PPIL2: variants seen among roughly 807,000 people sequenced by gnomAD.
PPIL2 encodes peptidylprolyl isomerase like 2.
PPIL2 carries 50 observed loss-of-function variants against 75.2 expected under a neutral mutation model. That is an observed-to-expected ratio of 0.66 (90% CI 0.53 to 0.84). The LOEUF is 0.84. PPIL2 is among the 40% of genes least tolerant of loss of function. The pLI is 0.00. For missense variants in PPIL2, 590 were observed against 685.0 expected, an observed-to-expected ratio of 0.86 and a Z score of 1.55; for synonymous variants, 245 against 258.8, an observed-to-expected ratio of 0.95 and a Z score of 0.51.
chr22:21,692,380 TC>T (rs1569044895), intron 15 of PPIL2, among the ~76,000 whole-genome samples: 2 of 151,478 alleles, frequency 1.3e-5, no homozygotes, highest in East Asian at 2.0e-4. Context: ...GGTCTCGATC[TC>T]CTGACCTTGT....
At chr22:21,692,690 C>T (rs185115527) in intron 15 of PPIL2, among the ~76,000 whole-genome samples, 267 of 151,692 alleles carry the variant, frequency 1.8e-3, no homozygotes, top group African/African-American at 6.3e-3. Flanking sequence ...CTTTGGGAGG[C>T]CAAGGCAGGT....
chr22:21,686,897 A>G lies in PPIL2; in HGVS notation c.796A>G (p.Ile266Val). The change falls in exon 12 of 20, where the codon ATC (isoleucine) becomes GTC (valine). Residue 266 changes from isoleucine to valine, a missense_variant. By Grantham distance (29) the Ile-to-Val change is conservative. Transcript: ENST00000398831. ...VPETTHEAAA[I>V]DEDVLRYQFV... Reference sequence around the variant, plus strand: ...GCTGGGACCTTGGCTTGTAGCTGCCATCGACGAGGATGTGCTGCGCTACCA... The same window carrying G: ...GCTGGGACCTTGGCTTGTAGCTGCCGTCGACGAGGATGTGCTGCGCTACCA... 4 of 1,613,956 alleles carry G rather than the reference A, an allele frequency of 2.5e-6. No individual in the cohort carries two copies. The highest frequency in any genetic ancestry group is 3.4e-6 in the Non-Finnish European group (4 of 1,179,970).
chr22:21,669,058 C>T (rs562607116), intron 1 of PPIL2, among the ~76,000 whole-genome samples: 1 of 150,568 alleles, frequency 6.6e-6, no homozygotes, highest in East Asian at 2.0e-4. Flanking sequence ...ACCGTGTTAG[C>T]CAGAATGGTC....
intron 16 of PPIL2, 109 bp downstream of exon 16, chr22:21,693,981 G>C (rs1601602824): frequency 1.7e-6 from 2 of 1,204,994 alleles, no homozygotes; most frequent in East Asian, 4.8e-5. Context: ...CATGTGCCAT[G>C]CTGGCCATCA....
chr22:21,699,304 G>A (rs1191779603), downstream of PPIL2: 3 of 152,500 alleles, frequency 2.0e-5, no homozygotes, highest in Non-Finnish European at 4.4e-5. Context: ...AGAACTATCC[G>A]GGCTCAGTGC....
intron 15 of PPIL2, 107 bp downstream of exon 15, chr22:21,688,956 C>G: frequency 9.1e-7 from 1 of 1,103,318 alleles, no homozygotes; most frequent in South Asian, 1.4e-5. Context: ...GAATCATACC[C>G]AGACGGTGTA....
chr22:21,667,765 ATTTTTTTTTTT>A (rs55832180), intron 1 of PPIL2, among the ~76,000 whole-genome samples: 4 of 69,880 alleles, frequency 5.7e-5, no homozygotes, highest in African/African-American at 2.4e-4. Context: ...GACATCTCAA[ATTTTTTTTTTT>A]TTTTTTTTTT....
At position 21,670,444 on chromosome 22, in the gene PPIL2, A is replaced by G. The variant is rs1193763802; in HGVS notation, c.83-122A>G. 7.4e-6 allele frequency: 11 copies of G among 1,477,776 alleles called. No homozygotes were observed. The East Asian group carries it at 2.5e-4, about 34-fold the overall frequency. The allele number at this position is 1,477,776 out of a possible 1,614,324, so 91.5% of individuals were successfully genotyped here. A position where few individuals can be genotyped will look rare whatever the true frequency, so the allele number is the denominator to read the frequency against. Reference sequence around the variant, plus strand: ...GTTAAAAGGTTTTTAATCCACAGCAATTGCTGTACTTAAAAATTTGCATGA... The same window carrying G: ...GTTAAAAGGTTTTTAATCCACAGCAGTTGCTGTACTTAAAAATTTGCATGA... On this transcript the variant is annotated intron_variant, in intron 2 of 19. Coordinates refer to ENST00000398831, the MANE Select transcript of PPIL2 (RefSeq NM_014337.4).
Position 21,696,097 on chromosome 22 carries a change from AC to A in PPIL2, c.*611del, listed in dbSNP as rs2067917884. On this transcript the variant is annotated 3_prime_UTR_variant, in exon 20 of 20. Transcript: ENST00000398831. ...GCCATTACCTGGGACAAGTTTTCAG[AC>A]CCCAGACTTACTGAGCCTAAGCCTC... The A allele has an allele frequency of 2.1e-6, 2 of 962,930 alleles. No individual in the cohort carries two copies. Among genetic ancestry groups the A allele is most frequent in the Admixed American group, 5.4e-5 (1 of 18,466 alleles). 59.6% of individuals were successfully genotyped at this position (962,930 alleles called of 1,614,324 possible).
At chr22:21,679,150 C>T (rs536737076) in intron 6 of PPIL2, among the ~76,000 whole-genome samples, 1 of 152,186 alleles carries the variant, frequency 6.6e-6, no homozygotes, top group South Asian at 2.1e-4. Context: ...CCCGCCTCTG[C>T]CTCCGAAAGT....
chr22:21,687,838 G>A, intron 13 of PPIL2, 106 bp downstream of exon 13: 1 of 1,193,150 alleles, frequency 8.4e-7, no homozygotes. Context: ...TCCCACGGTG[G>A]CCAGGATGAG....
At chr22:21,689,493 T>TC (rs34908763) in intron 15 of PPIL2, among the ~76,000 whole-genome samples, 29 of 152,316 alleles carry the variant, frequency 1.9e-4, no homozygotes, top group Non-Finnish European at 2.5e-4. Flanking sequence ...ACTTTTTTTT[T>TC]CCCAACTTTT....
chr22:21,666,695 G>A (rs1248222201), intron 1 of PPIL2, among the ~76,000 whole-genome samples: 1 of 152,126 alleles, frequency 6.6e-6, no homozygotes, highest in African/African-American at 2.4e-5. Context: ...TGTAATCCTA[G>A]CTATTTGGGA....
At chr22:21,666,388 G>A (rs970492116) in intron 1 of PPIL2, among the ~76,000 whole-genome samples, 1 of 152,172 alleles carries the variant, frequency 6.6e-6, no homozygotes, top group Admixed American at 6.5e-5. Context: ...GGTTCTGCCC[G>A]GACCGTCCCC....
Position 21,695,443 on chromosome 22 carries a change from T to C in PPIL2, c.1516T>C (p.Ser506Pro). 1.2e-6 allele frequency: 2 copies of C among 1,610,510 alleles called. No homozygotes were observed. The highest frequency in any genetic ancestry group is 2.2e-5 in the South Asian group (2 of 90,160). Reference sequence around the variant, plus strand: ...CTCAACCAGTGCCACTGTCCCCATGTCCAAGAAGAAGCCCAGTCGGGGTTT... The same window carrying C: ...CTCAACCAGTGCCACTGTCCCCATGCCCAAGAAGAAGCCCAGTCGGGGTTT... ...EPSTSATVPM[S>P]KKKPSRGFGD... The change falls in exon 20 of 20, where the codon TCC becomes CCC. Residue 506 changes from serine (S) to proline (P), a missense_variant. Transcript: ENST00000398831.
intron 6 of PPIL2, among the ~76,000 whole-genome samples, chr22:21,678,038 C>T (rs1313138640): frequency 1.3e-5 from 2 of 152,030 alleles, no homozygotes; most frequent in Admixed American, 6.6e-5. Context: ...GCTGGAACAG[C>T]GTGTGCTAGC....
intron 7 of PPIL2, among the ~76,000 whole-genome samples, chr22:21,681,655 G>A (rs539414810): frequency 1.3e-5 from 2 of 152,348 alleles, no homozygotes; most frequent in South Asian, 4.1e-4. Flanking sequence ...ACCCCAAGAG[G>A]TCCTTCCGCG....
intron 15 of PPIL2, 136 bp downstream of exon 15, chr22:21,688,985 C>T (rs542380263): frequency 4.9e-6 from 4 of 821,382 alleles, no homozygotes; most frequent in African/African-American, 1.7e-5. Context: ...CTAGGCCAAG[C>T]ATGTGCACCT....
intron 13 of PPIL2, 91 bp downstream of exon 13, chr22:21,687,823 GC>G: frequency 1.5e-6 from 2 of 1,341,656 alleles, no homozygotes; most frequent in African/African-American, 1.4e-5. Flanking sequence ...CAGGGCCCTG[GC>G]CCATCCCACG....
Sources: gnomAD v4.1 joint callset for allele counts (sites outside exome capture counted in the v4.1 genomes callset) on GRCh38, gnomAD v4.1.1 for gene constraint, MANE v1.5 for transcripts, NCBI Gene and HGNC (gene_info 2026-07-23, HGNC 2026-07-21) for gene names.